The following ERI1 variants were observed in gnomAD, a reference collection of about 807,000 sequenced individuals.
The protein encoded by ERI1 is exoribonuclease 1, also known as 3'-5' exoribonuclease 1.
Under a neutral mutation model 39.7 loss-of-function variants are expected in ERI1, and 39 were observed. The ratio of observed to expected loss-of-function variants is 0.98; its 90% CI spans 0.76 to 1.28. ERI1 has a LOEUF of 1.28. ERI1 is among the 50% of genes most tolerant of loss of function. ERI1 has a pLI of 0.00. For synonymous variants in ERI1, 204 were observed against 149.6 expected (o/e 1.36, Z -2.65); for missense variants, 581 against 416.9 (o/e 1.39, Z -3.43).
In ERI1 at chr8:9,092,142, A is replaced by G. The variant is rs1200441847; in HGVS notation, n.300-24206A>G. 2.6e-5 allele frequency among the ~76,000 whole-genome samples: 4 copies of G among 152,156 alleles called. No individual in the cohort carries two copies. In the East Asian group the frequency reaches 7.7e-4, roughly 29 times the overall value. Reference sequence around the variant, plus strand: ...TGGCTAATTTTTGTAGTTTTTGTAGAGAAAGGGTTTCGCCATGTTGCCCAG... The same window carrying G: ...TGGCTAATTTTTGTAGTTTTTGTAGGGAAAGGGTTTCGCCATGTTGCCCAG... On this transcript the variant is annotated intron_variant and non_coding_transcript_variant, in intron 3 of 3. Coordinates refer to the ERI1 transcript ENST00000518663.
At chr8:9,035,817 T>G (rs1331268230), downstream of ERI1, among the ~76,000 whole-genome samples, 1 of 152,228 alleles carries the variant, frequency 6.6e-6, no homozygotes, top group East Asian at 1.9e-4. Flanking sequence ...GAAAACCTTC[T>G]GGAAAGGATT....
At chr8:9,077,846 C>A (rs1432960452) in intron 3 of ERI1, among the ~76,000 whole-genome samples, 6 of 152,196 alleles carry the variant, frequency 3.9e-5, no homozygotes. Context: ...AGGTCCAAAG[C>A]AGCATATTTG....
intron 3 of ERI1, among the ~76,000 whole-genome samples, chr8:9,058,396 G>A (rs1305960403): frequency 6.6e-6 from 1 of 152,144 alleles, no homozygotes; most frequent in Non-Finnish European, 1.5e-5. Flanking sequence ...TTTACTCATG[G>A]GCCTAGCTCC....
chr8:9,072,516 C>T (rs182964579), intron 3 of ERI1: 104 of 152,164 alleles, frequency 6.8e-4, no homozygotes, highest in African/African-American at 2.3e-3. Context: ...CTGTAACACG[C>T]GATTTCAGAA....
At chr8:9,020,970 G>A (rs1377110852) in intron 6 of ERI1, among the ~76,000 whole-genome samples, 1 of 151,888 alleles carries the variant, frequency 6.6e-6, no homozygotes, top group East Asian at 1.9e-4. Context: ...TAAGTTTCAT[G>A]CTTATACTAC....
At chr8:9,018,982 C>T (rs774129355) in intron 5 of ERI1, among the ~76,000 whole-genome samples, 1 of 152,074 alleles carries the variant, frequency 6.6e-6, no homozygotes, top group African/African-American at 2.4e-5. Flanking sequence ...GACATCTGAC[C>T]ATATATTCTG....
chr8:9,056,623 C>T (rs1048963116), intron 3 of ERI1, among the ~76,000 whole-genome samples: 3 of 146,550 alleles, frequency 2.0e-5, no homozygotes, highest in Admixed American at 7.2e-5. Flanking sequence ...GCGAAGGGCT[C>T]GGTTTTCTAA....
chr8:9,042,935 G>A (rs994541961), intron 3 of ERI1, among the ~76,000 whole-genome samples: 7 of 152,214 alleles, frequency 4.6e-5, no homozygotes, highest in African/African-American at 1.7e-4. Flanking sequence ...CACGCGCAGT[G>A]CCGTATGTCC....
chr8:9,005,742 CCTCGGCCTCCCAAAGTGCTGGGAT>C (rs1411674900), intron 1 of ERI1, among the ~76,000 whole-genome samples: 1 of 151,920 alleles, frequency 6.6e-6, no homozygotes, highest in African/African-American at 2.4e-5. Context: ...TATCCGCCCG[CCTCGGCCTCCCAAAGTGCTGGGAT>C]TACAGGCGTG....
At chr8:9,029,122 A>G (rs1797404146) in intron 6 of ERI1, among the ~76,000 whole-genome samples, 1 of 152,086 alleles carries the variant, frequency 6.6e-6, no homozygotes, top group Non-Finnish European at 1.5e-5. Context: ...AAATCAGTCA[A>G]GTAAAGTAAT....
chr8:9,053,672 C>T (rs1585264639), intron 3 of ERI1, among the ~76,000 whole-genome samples: 1 of 152,284 alleles, frequency 6.6e-6, no homozygotes, highest in East Asian at 1.9e-4. Flanking sequence ...AGCCTGGGGA[C>T]CCCACTGGCC....
chr8:9,028,569 C>T (rs899366059), intron 6 of ERI1, among the ~76,000 whole-genome samples: 2 of 152,102 alleles, frequency 1.3e-5, no homozygotes, highest in Admixed American at 1.3e-4. Flanking sequence ...GTTGTACAAA[C>T]TACAGAATGT....
intron 3 of ERI1, among the ~76,000 whole-genome samples, chr8:9,080,795 A>G (rs753622696): frequency 6.6e-6 from 1 of 152,166 alleles, no homozygotes; most frequent in Admixed American, 6.5e-5. Context: ...TTTAGTGCAG[A>G]TATCAGCTAA....
At chr8:9,071,946 G>T (rs948421429) in intron 3 of ERI1, among the ~76,000 whole-genome samples, 1 of 152,142 alleles carries the variant, frequency 6.6e-6, no homozygotes, top group African/African-American at 2.4e-5. Flanking sequence ...CGTGCCTGTA[G>T]TCCCGCCTAT....
downstream of ERI1, among the ~76,000 whole-genome samples, chr8:9,034,206 G>A (rs1009492794): frequency 6.6e-6 from 1 of 152,246 alleles, no homozygotes; most frequent in African/African-American, 2.4e-5. Flanking sequence ...CTTTAAACCA[G>A]ATCTGCTTTT....
chr8:9,065,961 G>A (rs565777107), intron 3 of ERI1, among the ~76,000 whole-genome samples: 1 of 152,122 alleles, frequency 6.6e-6, no homozygotes, highest in African/African-American at 2.4e-5. Flanking sequence ...TCTAGTTTAT[G>A]AGAAGGGAAG....
At chr8:9,050,507 CAAAAAA>C (rs35279058) in intron 3 of ERI1, among the ~76,000 whole-genome samples, 2 of 141,704 alleles carry the variant, frequency 1.4e-5, no homozygotes, top group Non-Finnish European at 3.1e-5. Context: ...AACTCCATCT[CAAAAAA>C]AAAAAAAAAA....
At chr8:9,021,190 C>A (rs565385053) in intron 6 of ERI1, among the ~76,000 whole-genome samples, 1 of 152,102 alleles carries the variant, frequency 6.6e-6, no homozygotes, top group African/African-American at 2.4e-5. Flanking sequence ...TTTACTTCCG[C>A]GGTTGTTTAC....
At position 9,090,303 on chromosome 8, in the gene ERI1, G is replaced by A. The variant is rs142684746; in HGVS notation, n.300-26045G>A. Among the ~76,000 whole-genome samples the A allele has an allele frequency of 4.7e-4, 72 of 152,266 alleles. No individual in the cohort carries two copies. The East Asian group carries it at 9.5e-3, about 20-fold the overall frequency. On this transcript the variant is annotated intron_variant and non_coding_transcript_variant, in intron 3 of 3. Transcript: ENST00000518663. The stretch of plus-strand genomic sequence containing the variant: ...CTCAGGTGCATTTTGCTGGTGGGAG[G>A]ACACCTTGGTGCCAACTTGTTCTGT...
Sources: allele counts gnomAD v4.1 joint callset (sites outside exome capture counted in the v4.1 genomes callset), GRCh38; gene constraint gnomAD v4.1.1; transcripts MANE v1.5; gene names NCBI Gene and HGNC (gene_info 2026-07-23, HGNC 2026-07-21).